TRPM1: variants seen among roughly 807,000 people sequenced by gnomAD.
TRPM1 encodes the protein TRPM1-203 APA Isoform, Intron 10.
TRPM1 carries 113 observed loss-of-function variants against 149.4 expected under a neutral mutation model. That is an observed-to-expected ratio of 0.76 (90% CI 0.65 to 0.88). The LOEUF is 0.88. TRPM1 is among the 40% of genes least tolerant of loss of function. TRPM1 has a pLI of 0.00. For synonymous variants in TRPM1, 741 were observed against 759.5 expected, an observed-to-expected ratio of 0.98 and a Z score of 0.40; for missense variants, 1,976 against 2,038.7, an observed-to-expected ratio of 0.97 and a Z score of 0.59.
chr15:31,092,183 G>A (rs534983098), intron 1 of TRPM1, among the ~76,000 whole-genome samples: 39 of 152,138 alleles, frequency 2.6e-4, no homozygotes, highest in African/African-American at 9.2e-4. Flanking sequence ...GGAGCTCTGG[G>A]GAAAATGCTC....
At chr15:31,067,247 T>C in intron 5 of TRPM1, 60 bp from the exon 6 acceptor site, 1 of 1,613,708 alleles carries the variant, frequency 6.2e-7, no homozygotes. Flanking sequence ...CCATCATTCA[T>C]GAAATTTAGG....
At chr15:31,086,823 A>G (rs2035013989) in intron 1 of TRPM1, among the ~76,000 whole-genome samples, 1 of 152,212 alleles carries the variant, frequency 6.6e-6, no homozygotes, top group Admixed American at 6.5e-5. Context: ...CAAATCATAT[A>G]TCTGATAAGC....
Position 31,002,970 on chromosome 15 carries a change from C to G in TRPM1, c.3730G>C (p.Glu1244Gln), listed in dbSNP as rs267604151. 32 of 1,597,976 alleles carry G rather than the reference C, an allele frequency of 2.0e-5. No individual in the cohort carries two copies. The Middle Eastern group carries it at 5.0e-4, about 25-fold the overall frequency. Residue 1244 changes from glutamate (E) to glutamine (Q), a missense_variant, in exon 28 of 28, where the codon GAA becomes CAA. Physicochemically the swap from Glu to Gln is conservative, Grantham distance 29. Transcript: ENST00000256552. Reference sequence around the variant, plus strand: ...GCATTCACCATTCTGTTAGATAATTCTTCTAGCTGAGCAAGTCGAAGGTCA... The same window carrying G: ...GCATTCACCATTCTGTTAGATAATTGTTCTAGCTGAGCAAGTCGAAGGTCA... ...TVDLRLAQLE[E>Q]LSNRMVNALE... is the part of the protein sequence containing the mutation.
intron 1 of TRPM1, among the ~76,000 whole-genome samples, chr15:31,134,123 G>A (rs556837561): frequency 6.6e-6 from 1 of 152,212 alleles, no homozygotes; most frequent in Non-Finnish European, 1.5e-5. Context: ...AAGGGGAATG[G>A]GACAGGCTCA....
chr15:31,102,866 A>G (rs2035543502), upstream of TRPM1, among the ~76,000 whole-genome samples: 2 of 152,228 alleles, frequency 1.3e-5, 1 homozygote, highest in South Asian at 4.1e-4. Context: ...CAATGACCGC[A>G]GCAGCCTCCC....
chr15:31,072,117 A>G (rs2034577194), intron 3 of TRPM1, among the ~76,000 whole-genome samples: 1 of 150,436 alleles, frequency 6.6e-6, no homozygotes, highest in South Asian at 2.1e-4. Context: ...GAACATTTTC[A>G]TCACCTCAAA....
At chr15:31,044,309 C>T (rs572441101) in intron 16 of TRPM1, among the ~76,000 whole-genome samples, 21 of 151,738 alleles carry the variant, frequency 1.4e-4, no homozygotes, top group Non-Finnish European at 2.6e-4. Context: ...TGAGTTAGCA[C>T]GAACAATGCA....
intron 27 of TRPM1, among the ~76,000 whole-genome samples, chr15:31,020,188 G>A (rs75491422): frequency 3.3e-5 from 5 of 152,210 alleles, no homozygotes; most frequent in South Asian, 2.1e-4. Context: ...GGTTGGCCAC[G>A]AAGTGAAGCC....
At chr15:31,068,871 G>A (rs1198183136) in intron 4 of TRPM1, among the ~76,000 whole-genome samples, 1 of 151,848 alleles carries the variant, frequency 6.6e-6, no homozygotes, top group Non-Finnish European at 1.5e-5. Context: ...CACCAAATCT[G>A]CTGGCACCTT....
intron 1 of TRPM1, among the ~76,000 whole-genome samples, chr15:31,123,026 A>AC (rs1329504884): frequency 1.3e-5 from 2 of 152,254 alleles, no homozygotes; most frequent in African/African-American, 4.8e-5. Context: ...GACAGCCCAG[A>AC]AATAGGCCTG....
intron 27 of TRPM1, among the ~76,000 whole-genome samples, chr15:31,022,628 C>T (rs1026472379): frequency 4.6e-5 from 7 of 152,204 alleles, no homozygotes; most frequent in Non-Finnish European, 1.0e-4. Flanking sequence ...CTCCTACTTC[C>T]TTATAGTAAA....
chr15:31,129,409 T>C (rs2035990294), intron 1 of TRPM1, among the ~76,000 whole-genome samples: 1 of 152,216 alleles, frequency 6.6e-6, no homozygotes, highest in Non-Finnish European at 1.5e-5. Flanking sequence ...TGCAGCTCCG[T>C]TGACAGAACC....
chr15:31,160,985 C>A, exon 1 of TRPM1: 1 of 1,535,266 alleles, frequency 6.5e-7, no homozygotes, highest in Admixed American at 2.0e-5. Context: ...TGTGAGCCAC[C>A]CTGCTGACTC....
rs199880866 is a variant in TRPM1, at chr15:31,002,641, G to A, written c.4059C>T (p.Ser1353=). 6.2e-7 allele frequency: 1 copy of A among 1,614,194 alleles called. No homozygotes were observed. Among genetic ancestry groups the A allele is most frequent in the Middle Eastern group, 1.6e-4 (1 of 6,062 alleles). The part of the protein sequence containing the change: ...QNSLHLSLGT[S]TSATPDGSHL... Reference sequence around the variant, plus strand: ...GACTGCCATCTGGGGTTGCTGATGTGCTTGTGCCCAGTGAAAGGTGAAGAC... The same window carrying A: ...GACTGCCATCTGGGGTTGCTGATGTACTTGTGCCCAGTGAAAGGTGAAGAC... The change falls in exon 28 of 28, where the codon AGC becomes AGT. Residue 1353 remains serine, a synonymous_variant. Coordinates refer to ENST00000256552, the MANE Select transcript of TRPM1 (RefSeq NM_001252024.2).
intron 15 of TRPM1, 68 bp from the exon 16 acceptor site, chr15:31,046,301 AGTATT>A: frequency 1.4e-6 from 2 of 1,436,020 alleles, no homozygotes; most frequent in Non-Finnish European, 2.0e-6. Context: ...GTACATTAGC[AGTATT>A]GTTGATAGTG....
chr15:31,113,810 A>G (rs573291456), intron 1 of TRPM1, among the ~76,000 whole-genome samples: 2 of 152,310 alleles, frequency 1.3e-5, no homozygotes, highest in African/African-American at 4.8e-5. Flanking sequence ...AGTTAGCAAC[A>G]GCAAGATTTA....
rs963455008 is a variant in TRPM1 at position 31,069,761 on chromosome 15, T to C, written c.279+270A>G. On this transcript the variant is annotated intron_variant, in intron 4 of 27. Coordinates refer to ENST00000256552, the MANE Select transcript of TRPM1 (RefSeq NM_001252024.2). ...TGAAGATGGAGCAATGGAGTGTGTTTGCAGGGTTGGGCCAGAGCCTGGTTT... is the reference window on the plus strand; with the variant it reads ...TGAAGATGGAGCAATGGAGTGTGTTCGCAGGGTTGGGCCAGAGCCTGGTTT... 1.9e-5 allele frequency: 27 copies of C among 1,445,318 alleles called. No individual in the cohort carries two copies. The African/African-American group carries it at 3.1e-4, about 17-fold the overall frequency. 89.5% of individuals were successfully genotyped at this position (1,445,318 alleles called of 1,614,324 possible).
intron 1 of TRPM1, among the ~76,000 whole-genome samples, chr15:31,153,602 G>C (rs1489841192): frequency 2.6e-5 from 4 of 152,174 alleles, no homozygotes; most frequent in African/African-American, 9.7e-5. Flanking sequence ...GGGACTACAG[G>C]TGTGAGCCAC....
chr15:31,104,861 T>A (rs557274137), upstream of TRPM1, among the ~76,000 whole-genome samples: 2 of 152,296 alleles, frequency 1.3e-5, no homozygotes, highest in Admixed American at 6.5e-5. Flanking sequence ...CCCAAAGTGC[T>A]GGGATTACAG....
Sources: gnomAD v4.1 joint callset for allele counts (sites outside exome capture counted in the v4.1 genomes callset) on GRCh38, gnomAD v4.1.1 for gene constraint, MANE v1.5 for transcripts, NCBI Gene and HGNC (gene_info 2026-07-23, HGNC 2026-07-21) for gene names.